The following WWOX variants were observed in gnomAD, a reference collection of about 807,000 sequenced individuals.
WWOX encodes WW domain containing oxidoreductase.
A neutral mutation model predicts 46.2 loss-of-function variants in WWOX; 69 were observed. That is an observed-to-expected ratio of 1.49 (90% confidence interval 1.23 to 1.82). The LOEUF (loss-of-function observed/expected upper bound fraction) is 1.82. Among genes scored for constraint, WWOX ranks in the 40% most tolerant of loss-of-function variants. WWOX has a pLI of 0.00. For synonymous variants in WWOX, 359 were observed against 202.6 expected, an observed-to-expected ratio of 1.77 and a Z score of -6.56; for missense variants, 919 against 542.6, an observed-to-expected ratio of 1.69 and a Z score of -6.89.
At chr16:78,432,014 C>G (rs1373814104) in intron 7 of WWOX, among the ~76,000 whole-genome samples, 2 of 152,288 alleles carry the variant, frequency 1.3e-5, no homozygotes, top group African/African-American at 4.8e-5. Flanking sequence ...CCAGACATGA[C>G]CTGTGTTTAT....
intron 8 of WWOX, among the ~76,000 whole-genome samples, chr16:78,846,031 G>C (rs186491199): frequency 6.6e-6 from 1 of 152,338 alleles, no homozygotes; most frequent in East Asian, 1.9e-4. Context: ...GCACTGCACA[G>C]GATGGAAAGC....
chr16:78,689,406 G>A (rs1040466970), intron 8 of WWOX, among the ~76,000 whole-genome samples: 2 of 152,174 alleles, frequency 1.3e-5, no homozygotes, highest in Non-Finnish European at 2.9e-5. Flanking sequence ...GGCAACTTCT[G>A]TCTTCCCTTT....
chr16:78,492,848 T>C (rs72801929), intron 8 of WWOX, among the ~76,000 whole-genome samples: 11,667 of 152,240 alleles, frequency 0.077, 496 homozygotes, highest in Non-Finnish European at 0.1. Flanking sequence ...CGAATACTTG[T>C]GTCCCTTGAG....
chr16:78,778,251 C>T (rs934042854), intron 8 of WWOX, among the ~76,000 whole-genome samples: 4 of 152,156 alleles, frequency 2.6e-5, no homozygotes, highest in Middle Eastern at 3.4e-3. Context: ...TCCCCTGTGT[C>T]TCCTTTGTGG....
chr16:78,954,424 A>T (rs2046123918), intron 8 of WWOX, among the ~76,000 whole-genome samples: 1 of 152,162 alleles, frequency 6.6e-6, no homozygotes, highest in Admixed American at 6.5e-5. Context: ...GAGTAGTTGG[A>T]TGGATGGATA....
At chr16:78,618,473 T>C (rs2151640049) in intron 8 of WWOX, among the ~76,000 whole-genome samples, 1 of 152,166 alleles carries the variant, frequency 6.6e-6, no homozygotes, top group East Asian at 1.9e-4. Context: ...GTTTGCATCC[T>C]TATGGCCTCT....
chr16:78,958,320 A>C (rs1348979724), intron 8 of WWOX, among the ~76,000 whole-genome samples: 1 of 152,196 alleles, frequency 6.6e-6, no homozygotes, highest in Non-Finnish European at 1.5e-5. Flanking sequence ...CTATTACTGA[A>C]AATTCACTGC....
At chr16:79,152,435 G>A (rs543601144) in intron 8 of WWOX, among the ~76,000 whole-genome samples, 4 of 152,268 alleles carry the variant, frequency 2.6e-5, no homozygotes, top group East Asian at 1.9e-4. Flanking sequence ...ACTTTGGGAC[G>A]ATGAGGCGGG....
intron 5 of WWOX, among the ~76,000 whole-genome samples, chr16:78,318,266 G>A (rs2151881318): frequency 1.0e-5 from 1 of 98,700 alleles, no homozygotes; most frequent in African/African-American, 4.5e-5. Context: ...CCTCCGTCTG[G>A]GAGGAATTTT....
At chr16:78,950,209 A>G (rs1004773471) in intron 8 of WWOX, among the ~76,000 whole-genome samples, 5 of 152,132 alleles carry the variant, frequency 3.3e-5, no homozygotes, top group South Asian at 2.1e-4. Flanking sequence ...TCCTTTTCCA[A>G]TATTCCCTCC....
At chr16:78,754,317 G>A (rs2049577852) in intron 8 of WWOX, among the ~76,000 whole-genome samples, 1 of 152,116 alleles carries the variant, frequency 6.6e-6, no homozygotes, top group Non-Finnish European at 1.5e-5. Flanking sequence ...CATTCAGGCT[G>A]ATTTCAGACA....
At chr16:78,349,517 G>C (rs2081150314) in intron 5 of WWOX, among the ~76,000 whole-genome samples, 1 of 120,514 alleles carries the variant, frequency 8.3e-6, no homozygotes, top group African/African-American at 2.8e-5. Flanking sequence ...AAGAAGCCAG[G>C]AGGAGGTCCT....
chr16:78,851,858 T>C (rs1453831824), intron 8 of WWOX, among the ~76,000 whole-genome samples: 1 of 152,224 alleles, frequency 6.6e-6, no homozygotes, highest in Non-Finnish European at 1.5e-5. Context: ...TTTAAAAGAC[T>C]GGAGTTTTTA....
intron 8 of WWOX, among the ~76,000 whole-genome samples, chr16:78,486,536 C>T (rs889642922): frequency 6.8e-6 from 1 of 147,906 alleles, no homozygotes; most frequent in African/African-American, 2.6e-5. Flanking sequence ...TTGTACACTA[C>T]TGGGTGTGTT....
intron 8 of WWOX, among the ~76,000 whole-genome samples, chr16:78,923,603 T>G (rs961401975): frequency 4.6e-5 from 7 of 152,056 alleles, no homozygotes; most frequent in Admixed American, 3.9e-4. Context: ...ACAAATCTCT[T>G]GGCGGGTGGG....
chr16:78,684,249 C>T (rs953023344), intron 8 of WWOX, among the ~76,000 whole-genome samples: 1 of 152,194 alleles, frequency 6.6e-6, no homozygotes, highest in African/African-American at 2.4e-5. Context: ...CAGATTTGCC[C>T]TTGGCTCATG....
At chr16:78,588,002 A>G (rs759702351) in intron 8 of WWOX, among the ~76,000 whole-genome samples, 6 of 152,208 alleles carry the variant, frequency 3.9e-5, no homozygotes, top group Non-Finnish European at 8.8e-5. Context: ...AATAGATAAG[A>G]TACAAATGTG....
intron 6 of WWOX, among the ~76,000 whole-genome samples, chr16:78,406,323 TATATATATATATATATATATATATATA>T (rs1239602178): frequency 2.5e-5 from 2 of 79,562 alleles, no homozygotes; most frequent in African/African-American, 3.1e-4. Flanking sequence ...TATATATATA[TATATATATATATATATATATATATATA>T]TATATTTTAT....
intron 8 of WWOX, among the ~76,000 whole-genome samples, chr16:78,536,901 CTTTTTT>C (rs35326105): frequency 1.7e-5 from 2 of 120,058 alleles, no homozygotes; most frequent in African/African-American, 6.2e-5. Flanking sequence ...AGAGCCAAGT[CTTTTTT>C]TTTTTTTTTT....
Sources: gnomAD v4.1 joint callset for allele counts (sites outside exome capture counted in the v4.1 genomes callset) on GRCh38, gnomAD v4.1.1 for gene constraint, MANE v1.5 for transcripts, NCBI Gene and HGNC (gene_info 2026-07-23, HGNC 2026-07-21) for gene names.